The following SHC4 variants were observed in gnomAD, a reference collection of about 807,000 sequenced individuals.
The protein encoded by SHC4 is SHC adaptor protein 4.
In SHC4, 41 loss-of-function variants were observed where a neutral mutation model predicts 69.4. The observed-to-expected ratio is 0.59, with a 90% CI of 0.46 to 0.77. SHC4 has a LOEUF of 0.77. SHC4 is among the 30% of genes least tolerant of loss of function. The probability of loss-of-function intolerance (pLI) is 0.00; values close to 1 mark genes in which losing one functional copy is unlikely to be tolerated. For synonymous variants in SHC4, 318 were observed against 299.3 expected (o/e 1.06, Z -0.64); for missense variants, 777 against 783.8 (o/e 0.99, Z 0.10).
chr15:48,940,912 C>T (rs994529672), intron 1 of SHC4, among the ~76,000 whole-genome samples: 18 of 152,142 alleles, frequency 1.2e-4, no homozygotes, highest in African/African-American at 4.3e-4. Context: ...TACGGCTTTG[C>T]GGAAATGCAG....
At chr15:48,929,085 A>G (rs1900907378) in intron 1 of SHC4, among the ~76,000 whole-genome samples, 1 of 152,176 alleles carries the variant, frequency 6.6e-6, no homozygotes, top group African/African-American at 2.4e-5. Context: ...CAATTACCCC[A>G]AAGACAAGAA....
At chr15:48,861,418 C>T (rs938864511) in intron 6 of SHC4, among the ~76,000 whole-genome samples, 1 of 152,200 alleles carries the variant, frequency 6.6e-6, no homozygotes, top group African/African-American at 2.4e-5. Flanking sequence ...TCCATTGTTG[C>T]CTCTCATAGA....
At chr15:48,854,529 G>A (rs1461697979) in intron 8 of SHC4, among the ~76,000 whole-genome samples, 1 of 152,114 alleles carries the variant, frequency 6.6e-6, no homozygotes, top group African/African-American at 2.4e-5. Context: ...TATGTTCATC[G>A]CAGCACTATT....
chr15:48,937,583 CATAGATAGATAGATAG>C (rs5812469), intron 1 of SHC4, among the ~76,000 whole-genome samples: 15 of 147,930 alleles, frequency 1.0e-4, no homozygotes, highest in South Asian at 2.2e-4. Flanking sequence ...CACACAGACA[CATAGATAGATAGATAG>C]ATAGATAGAT....
Position 48,924,863 on chromosome 15 carries a change from A to G in SHC4, c.656+16T>C, listed in dbSNP as rs763827325. ...AACCATACTCCTCAAAGCCCCTCCC[A>G]TTTTTGGCTTCTTACCTTGTAACTT... On this transcript the variant is annotated intron_variant, in intron 2 of 11. Transcript: ENST00000332408. 6 of 1,613,860 alleles carry G rather than the reference A, an allele frequency of 3.7e-6. No homozygotes were observed. In the South Asian group the frequency reaches 5.5e-5, roughly 15 times the overall value.
intron 11 of SHC4, among the ~76,000 whole-genome samples, chr15:48,828,115 G>GTGTGTA (rs1208135088): frequency 2.7e-5 from 2 of 75,180 alleles, no homozygotes; most frequent in African/African-American, 6.6e-5. Context: ...GTGTGTGTGT[G>GTGTGTA]TATATATATA....
At chr15:48,950,285 A>G (rs4774533) in intron 1 of SHC4, among the ~76,000 whole-genome samples, 31,551 of 147,952 alleles carry the variant, frequency 0.21, 4,323 homozygotes, top group Non-Finnish European at 0.3. Context: ...TTACATATAT[A>G]TATATTCCCT....
chr15:48,855,988 A>G lies in SHC4; in HGVS notation c.1207T>C (p.Tyr403His). ...AACTTTTCACACTGTATGGGGCAGT[A>G]AGCCATTTGTTCCGTGGCTTGAACT... Reference protein sequence around the residue: ...IKVQATEQMAYCPIQCEKLCY... With the variant: ...IKVQATEQMAHCPIQCEKLCY... Residue 403 changes from tyrosine (Y) to histidine (H), a missense_variant, in exon 8 of 12, where the codon TAC becomes CAC. By Grantham distance (83) the Tyr-to-His change is moderately conservative (BLOSUM62 2). Coordinates refer to ENST00000332408, the MANE Select transcript of SHC4 (RefSeq NM_203349.4). The G allele has an allele frequency of 3.1e-6, 5 of 1,613,854 alleles. No individual in the cohort carries two copies. Among genetic ancestry groups the G allele is most frequent in the Non-Finnish European group, 4.2e-6 (5 of 1,179,822 alleles).
chr15:48,851,940 A>G (rs1006007599), intron 8 of SHC4, among the ~76,000 whole-genome samples: 8 of 152,192 alleles, frequency 5.3e-5, no homozygotes, highest in Non-Finnish European at 2.9e-5. Flanking sequence ...GACTCAAAAC[A>G]TATTTTCATG....
In SHC4 at chr15:48,836,116, C is replaced by T. The variant is rs538736835; in HGVS notation, c.1484-1094G>A. Among the ~76,000 whole-genome samples, 12 of 151,458 alleles carry T rather than the reference C, an allele frequency of 7.9e-5. No homozygotes were observed. The South Asian group carries it at 1.3e-3, about 16-fold the overall frequency. On this transcript the variant is annotated intron_variant, in intron 10 of 11. Coordinates refer to ENST00000332408, the MANE Select transcript of SHC4 (RefSeq NM_203349.4). ...GCTGAGACAAGAGAATCGCTTAAAC[C>T]GGGGAGGCAGAGGTTGCAATGAGCC... is the stretch of plus-strand genomic sequence containing the variant.
intron 1 of SHC4, among the ~76,000 whole-genome samples, chr15:48,937,908 C>T (rs115285269): frequency 6.6e-6 from 1 of 152,146 alleles, no homozygotes; most frequent in Non-Finnish European, 1.5e-5. Flanking sequence ...GCAGAAATTC[C>T]TTGAGGCCTT....
chr15:48,853,964 A>C (rs1427991904), intron 8 of SHC4, among the ~76,000 whole-genome samples: 1 of 152,210 alleles, frequency 6.6e-6, no homozygotes, highest in Non-Finnish European at 1.5e-5. Flanking sequence ...AAGAAAAATA[A>C]AAATGGACAA....
chr15:48,961,403 A>AC (rs761419156), intron 1 of SHC4, among the ~76,000 whole-genome samples: 3 of 151,598 alleles, frequency 2.0e-5, no homozygotes, highest in Admixed American at 2.0e-4. Flanking sequence ...ACTACAAGCC[A>AC]CCCCCTCCCT....
At chr15:48,953,227 G>A (rs1901393506) in intron 1 of SHC4, among the ~76,000 whole-genome samples, 1 of 152,124 alleles carries the variant, frequency 6.6e-6, no homozygotes, top group Non-Finnish European at 1.5e-5. Flanking sequence ...GAGAACGCAT[G>A]GACATATAGA....
chr15:48,962,601 T>A lies in SHC4; in HGVS notation c.415A>T (p.Arg139Trp). ...TGCGGTGGAGGTGCAGTCCCGGACC[T>A]ACTTAAACTGGTTTCTGGGGAAGAG... ...GPSSPETSLS[R>W]SGTAPPPQQD... Residue 139 changes from arginine (R) to tryptophan (W), a missense_variant, in exon 1 of 12, where the codon AGG becomes TGG. Coordinates refer to ENST00000332408, the MANE Select transcript of SHC4 (RefSeq NM_203349.4). 6.2e-7 allele frequency: 1 copy of A among 1,614,012 alleles called. No individual in the cohort carries two copies. The highest frequency in any genetic ancestry group is 8.5e-7 in the Non-Finnish European group (1 of 1,179,946).
At chr15:48,960,577 C>A (rs1468263606) in intron 1 of SHC4, among the ~76,000 whole-genome samples, 1 of 152,158 alleles carries the variant, frequency 6.6e-6, no homozygotes. Flanking sequence ...AGCCTGCTCT[C>A]TCTGTAACCC....
At position 48,843,103 on chromosome 15, in the gene SHC4, C is replaced by T. The variant is rs186811219; in HGVS notation, c.1483+306G>A. Among the ~76,000 whole-genome samples, 39 of 152,136 alleles carry T rather than the reference C, an allele frequency of 2.6e-4. No homozygotes were observed. The East Asian group carries it at 7.0e-3, about 27-fold the overall frequency. On this transcript the variant is annotated intron_variant, in intron 10 of 11. Transcript: ENST00000332408. ...TCCTCCTAAATCCAGTGACTGTTGT[C>T]CTGTAAGAGGAAGGAGAGGGAGATC...
Position 48,904,344 on chromosome 15 carries a change from A to G in SHC4, c.657-13533T>C, listed in dbSNP as rs78479374. Reference sequence around the variant, plus strand: ...GGGTTAATAGTAATATCTATTTTATAAATGTTAAATTTTGTGATGACAAAG... The same window carrying G: ...GGGTTAATAGTAATATCTATTTTATGAATGTTAAATTTTGTGATGACAAAG... On this transcript the variant is annotated intron_variant, in intron 2 of 11. Transcript: ENST00000332408. 8.9e-3 allele frequency among the ~76,000 whole-genome samples: 1,355 copies of G among 152,294 alleles called. 25 individuals are homozygous for G. The highest frequency in any genetic ancestry group is 0.031 in the African/African-American group (1,293 of 41,552).
chr15:48,919,595 A>T (rs1176593244), intron 2 of SHC4, among the ~76,000 whole-genome samples: 1 of 151,422 alleles, frequency 6.6e-6, no homozygotes, highest in East Asian at 1.9e-4. Flanking sequence ...GACCTCTCTC[A>T]CATTTTTATC....
Sources: gnomAD v4.1 joint callset for allele counts (sites outside exome capture counted in the v4.1 genomes callset) on GRCh38, gnomAD v4.1.1 for gene constraint, MANE v1.5 for transcripts, NCBI Gene and HGNC (gene_info 2026-07-23, HGNC 2026-07-21) for gene names.